The following FCHO1 variants were observed in gnomAD, a reference collection of about 807,000 sequenced individuals.
FCHO1 encodes FCH and mu domain containing endocytic adaptor 1.
FCHO1 carries 45 observed loss-of-function variants against 114.4 expected under a neutral mutation model. The observed-to-expected ratio is 0.39, with a 90% CI of 0.31 to 0.50. The LOEUF (loss-of-function observed/expected upper bound fraction) is 0.50. FCHO1 is among the 20% of genes least tolerant of loss of function. FCHO1 has a pLI of 0.77. For synonymous variants in FCHO1, 480 were observed against 488.9 expected, an observed-to-expected ratio of 0.98 and a Z score of 0.24; for missense variants, 1,042 against 1,209.6, an observed-to-expected ratio of 0.86 and a Z score of 2.06.
intron 9 of FCHO1, among the ~76,000 whole-genome samples, chr19:17,771,353 G>A (rs1286945403): frequency 7.2e-6 from 1 of 138,312 alleles, no homozygotes; most frequent in Non-Finnish European, 1.6e-5. Flanking sequence ...ACCGACAGGT[G>A]TATATAAAAA....
upstream of FCHO1, among the ~76,000 whole-genome samples, chr19:17,749,884 G>A (rs73015718): frequency 0.15 from 23,390 of 152,064 alleles, 1,999 homozygotes; most frequent in Non-Finnish European, 0.18. Flanking sequence ...TGGCCCTACT[G>A]TACATACACT....
intron 26 of FCHO1, among the ~76,000 whole-genome samples, chr19:17,786,348 A>C (rs1278941507): frequency 1.5e-5 from 2 of 133,344 alleles, no homozygotes; most frequent in African/African-American, 6.0e-5. Flanking sequence ...AACACACAAA[A>C]AAACACAAAA....
rs541585673 is a variant in FCHO1 at position 17,764,266 on chromosome 19, C to A, written c.120-109C>A. The A allele has an allele frequency of 2.4e-5, 27 of 1,140,382 alleles. No individual in the cohort carries two copies. The African/African-American group carries it at 3.8e-4, about 16-fold the overall frequency. 70.6% of individuals were successfully genotyped at this position (1,140,382 alleles called of 1,614,324 possible). On this transcript the variant is annotated intron_variant, in intron 5 of 28. Transcript: ENST00000596536. The stretch of plus-strand genomic sequence containing the variant: ...AAGTTGGCCAGGCTGGTCTTGAACT[C>A]CTAACCTCAGGTGATCCGTCCGCCT...
chr19:17,754,156 T>C (rs1288538742), intron 1 of FCHO1, 161 bp from the exon 2 acceptor site: 1 of 152,222 alleles, frequency 6.6e-6, no homozygotes, highest in Non-Finnish European at 1.5e-5. Context: ...TCATGAATTA[T>C]GCATGAGGCC....
chr19:17,788,343 C>T lies in FCHO1; in HGVS notation c.*37C>T, dbSNP rs1438882193. 11 of 1,591,464 alleles carry T rather than the reference C, an allele frequency of 6.9e-6. No homozygotes were observed. Among genetic ancestry groups the T allele is most frequent in the African/African-American group, 2.7e-5 (2 of 74,266 alleles). On this transcript the variant is annotated 3_prime_UTR_variant, in exon 29 of 29. Transcript: ENST00000596536. ...CTGCTGCCCCAGCTCTACACTGCGC[C>T]CTGGTGCTGGCTGACCACCCCCTGC...
Position 17,766,757 on chromosome 19 carries a change from C to G in FCHO1, c.283C>G (p.Leu95Val). 1 of 1,614,172 alleles carries G rather than the reference C, an allele frequency of 6.2e-7. No individual in the cohort carries two copies. The highest frequency in any genetic ancestry group is 8.5e-7 in the Non-Finnish European group (1 of 1,180,030). Residue 95 changes from leucine to valine, a missense_variant, in exon 7 of 29, where the codon CTC becomes GTC. By Grantham distance (32) the Leu-to-Val change is conservative. Coordinates refer to ENST00000596536, the MANE Select transcript of FCHO1 (RefSeq NM_015122.3). The stretch of plus-strand genomic sequence containing the variant: ...GGAACTGACACGGAAGTTACAGGAT[C>G]TCATCAAGGACGTTCTCCGCTACGG... ...HLELTRKLQD[L>V]IKDVLRYGEE... is the part of the protein sequence containing the mutation.
chr19:17,755,966 C>T (rs2083335159), intron 4 of FCHO1, among the ~76,000 whole-genome samples: 1 of 152,194 alleles, frequency 6.6e-6, no homozygotes, highest in Non-Finnish European at 1.5e-5. Context: ...ACAGGGACTC[C>T]TCCTGCAGAG....
At chr19:17,762,481 GAC>G (rs2086700887) in intron 4 of FCHO1, among the ~76,000 whole-genome samples, 1 of 152,136 alleles carries the variant, frequency 6.6e-6, no homozygotes, top group South Asian at 2.1e-4. Flanking sequence ...GAAAGACAGA[GAC>G]ACAAAGACAG....
intron 4 of FCHO1, among the ~76,000 whole-genome samples, chr19:17,758,131 C>T (rs1345317556): frequency 1.3e-5 from 2 of 151,746 alleles, no homozygotes; most frequent in East Asian, 1.9e-4. Flanking sequence ...AGGAGAATGG[C>T]GTGAACCCAG....
At chr19:17,762,995 A>G (rs189849025) in intron 5 of FCHO1, 142 bp downstream of exon 5, 12 of 606,406 alleles carry the variant, frequency 2.0e-5, no homozygotes, top group Middle Eastern at 9.0e-4. Flanking sequence ...CCTGGAAATG[A>G]CCGATTCTCA....
intron 8 of FCHO1, 100 bp from the exon 9 acceptor site, chr19:17,770,692 C>T: frequency 1.3e-6 from 2 of 1,577,912 alleles, no homozygotes; most frequent in South Asian, 1.1e-5. Context: ...GGTGATCACA[C>T]CCTGGGTACC....
intron 5 of FCHO1, among the ~76,000 whole-genome samples, chr19:17,763,081 T>C (rs1320485014): frequency 6.6e-6 from 1 of 152,052 alleles, no homozygotes; most frequent in African/African-American, 2.4e-5. Flanking sequence ...AAGAGGATGA[T>C]ATAACCTACT....
chr19:17,787,811 A>G lies in FCHO1; in HGVS notation c.2612A>G (p.Tyr871Cys), dbSNP rs751766352. 1 of 1,613,488 alleles carries G rather than the reference A, an allele frequency of 6.2e-7. No individual in the cohort carries two copies. Among genetic ancestry groups the G allele is most frequent in the South Asian group, 1.1e-5 (1 of 90,860 alleles). ...GACTTGGAACTGGTGGGCAGCGGTT[A>G]CCGCATGTCGCTGGTGAAGAGGAGG... ...GVDLELVGSG[Y>C]RMSLVKRRFA... The change falls in exon 28 of 29, where the codon TAC (tyrosine) becomes TGC (cysteine). Residue 871 changes from tyrosine (Y) to cysteine (C), a missense_variant. This residue lies in a region of FCHO1 where 137 missense variants were observed against 190.0 expected (regional missense o/e 0.72). Transcript: ENST00000596536.
chr19:17,768,576 C>T (rs2090216198), intron 7 of FCHO1, among the ~76,000 whole-genome samples: 1 of 151,888 alleles, frequency 6.6e-6, no homozygotes, highest in African/African-American at 2.4e-5. Flanking sequence ...CACCTGTAAT[C>T]CCAGCTACTC....
intron 23 of FCHO1, among the ~76,000 whole-genome samples, chr19:17,782,236 T>A (rs2093489738): frequency 6.6e-6 from 1 of 151,868 alleles, no homozygotes; most frequent in Admixed American, 6.6e-5. Context: ...AGGGTCTCAC[T>A]CTGTTGCCCA....
chr19:17,774,047 A>C (rs2147070438), intron 11 of FCHO1, among the ~76,000 whole-genome samples, 192 bp from the exon 12 acceptor site: 1 of 152,018 alleles, frequency 6.6e-6, no homozygotes, highest in African/African-American at 2.4e-5. Context: ...AGTAGCTGGG[A>C]TTACAGGCGC....
rs192286886 is a variant in FCHO1 at position 17,779,927 on chromosome 19, T to C, written c.1627+1043T>C. On this transcript the variant is annotated intron_variant, in intron 20 of 28. Coordinates refer to ENST00000596536, the MANE Select transcript of FCHO1 (RefSeq NM_015122.3). ...AGGACAGCCGGGGAGCCCAGAGGGG[T>C]TGGAGACAGGAGGACAGCAGGAGAT... Among the ~76,000 whole-genome samples, 105 of 150,798 alleles carry C rather than the reference T, an allele frequency of 7.0e-4. 2 individuals carry two copies. The highest frequency in any genetic ancestry group is 1.8e-4 in the Non-Finnish European group (12 of 67,580).
chr19:17,783,327 C>T (rs1354250897), intron 24 of FCHO1, among the ~76,000 whole-genome samples, 155 bp downstream of exon 24: 1 of 150,744 alleles, frequency 6.6e-6, no homozygotes, highest in Admixed American at 6.6e-5. Flanking sequence ...AGTGCAATGG[C>T]GTCATCTCGG....
At chr19:17,764,304 G>C in intron 5 of FCHO1, 71 bp from the exon 6 acceptor site, 1 of 1,474,256 alleles carries the variant, frequency 6.8e-7, no homozygotes, top group Non-Finnish European at 9.5e-7. Context: ...GCCTCCCAGA[G>C]TGCTGGGATT....
Sources: allele counts gnomAD v4.1 joint callset (sites outside exome capture counted in the v4.1 genomes callset), GRCh38; gene constraint gnomAD v4.1.1; regional missense constraint gnomAD v4.1.1; transcripts MANE v1.5; gene names NCBI Gene and HGNC (gene_info 2026-07-23, HGNC 2026-07-21).